The following GLIS3 variants were observed in gnomAD, a reference collection of about 807,000 sequenced individuals.
GLIS3 encodes the protein zinc finger protein GLIS3.
In GLIS3, 53 loss-of-function variants were observed where a neutral mutation model predicts 78.6. The observed-to-expected ratio is 0.67, with a 90% CI of 0.54 to 0.85. GLIS3 has a LOEUF of 0.85. GLIS3 is among the 40% of genes least tolerant of loss of function. The pLI is 0.00. For synonymous variants in GLIS3, 684 were observed against 509.9 expected (o/e 1.34, Z -4.60); for missense variants, 1,703 against 1,231.1 (o/e 1.38, Z -5.74).
intron 2 of GLIS3, among the ~76,000 whole-genome samples, chr9:4,324,793 G>A (rs1161645686): frequency 6.6e-6 from 1 of 152,036 alleles, no homozygotes. Context: ...ATTTGTTTTG[G>A]CTCTGAGTGA....
chr9:4,181,912 C>T (rs1222073323), intron 2 of GLIS3, among the ~76,000 whole-genome samples: 3 of 152,114 alleles, frequency 2.0e-5, no homozygotes, highest in African/African-American at 7.2e-5. Flanking sequence ...ACCGAGTTAG[C>T]CCAGACCATA....
chr9:4,106,942 T>C (rs1006443528), intron 4 of GLIS3, among the ~76,000 whole-genome samples: 1 of 151,932 alleles, frequency 6.6e-6, no homozygotes, highest in African/African-American at 2.4e-5. Context: ...AAAAACTGAG[T>C]AATCCACTTG....
In GLIS3 at chr9:4,117,713, C is replaced by T. The variant is rs927315; in HGVS notation, c.1710+55G>A. ...GCCGAGTTAGGAAAAAACACACGTACGCAAAGCAAGCCGGGCCTTCAAGAG... is the reference window on the plus strand; with the variant it reads ...GCCGAGTTAGGAAAAAACACACGTATGCAAAGCAAGCCGGGCCTTCAAGAG... On this transcript the variant is annotated intron_variant, in intron 4 of 10. Coordinates refer to ENST00000381971, the MANE Select transcript of GLIS3 (RefSeq NM_001042413.2). 746,995 of 1,608,550 alleles carry T rather than the reference C, an allele frequency of 0.46. 176,739 individuals are homozygous for T. Among genetic ancestry groups the T allele is most frequent in the South Asian group, 0.59 (53,214 of 90,834 alleles).
chr9:4,178,278 G>A (rs902618047), intron 2 of GLIS3, among the ~76,000 whole-genome samples: 19 of 151,958 alleles, frequency 1.3e-4, no homozygotes, highest in East Asian at 3.9e-4. Flanking sequence ...CTCTGCCACC[G>A]TGCCTAAGAT....
chr9:4,035,028 C>T (rs1824188458), intron 4 of GLIS3: 1 of 152,142 alleles, frequency 6.6e-6, no homozygotes, highest in Non-Finnish European at 1.5e-5. Context: ...AATATGTTTG[C>T]TTCTGATAGA....
At chr9:3,859,324 C>A (rs986877484) in intron 8 of GLIS3, among the ~76,000 whole-genome samples, 3 of 148,870 alleles carry the variant, frequency 2.0e-5, no homozygotes, top group African/African-American at 7.4e-5. Context: ...AGTGTCTGCA[C>A]CTACTTTCCA....
At chr9:4,293,136 A>C (rs572417852) in intron 1 of GLIS3, among the ~76,000 whole-genome samples, 34 of 152,348 alleles carry the variant, frequency 2.2e-4, no homozygotes, top group African/African-American at 7.7e-4. Flanking sequence ...TGAAAAGAGC[A>C]TTCATTATCC....
chr9:4,102,558 G>T (rs557778675), intron 4 of GLIS3, among the ~76,000 whole-genome samples: 6 of 152,230 alleles, frequency 3.9e-5, no homozygotes, highest in African/African-American at 1.4e-4. Flanking sequence ...GGTAGTTAGA[G>T]GCCCGGGATG....
intron 4 of GLIS3, among the ~76,000 whole-genome samples, chr9:3,976,668 A>G (rs1163553385): frequency 2.0e-5 from 3 of 151,592 alleles, no homozygotes; most frequent in African/African-American, 2.4e-5. Context: ...ATAAGGCTGC[A>G]AGAGCCAGAA....
At chr9:4,470,047 A>G in the GLIS3 span, among the ~76,000 whole-genome samples, 4 of 152,228 alleles carry the variant, frequency 2.6e-5, no homozygotes, top group Non-Finnish European at 4.4e-5. Context: ...TGCCAAGACT[A>G]AAACAGAAAG....
At chr9:4,000,625 G>A (rs1212749155) in intron 4 of GLIS3, among the ~76,000 whole-genome samples, 3 of 152,142 alleles carry the variant, frequency 2.0e-5, no homozygotes, top group South Asian at 4.1e-4. Flanking sequence ...CTGCCTAAAA[G>A]CTTCTAGTGG....
the GLIS3 span, among the ~76,000 whole-genome samples, chr9:4,370,503 C>A: frequency 1.3e-5 from 2 of 152,078 alleles, no homozygotes; most frequent in Non-Finnish European, 2.9e-5. Context: ...CTTCATTATT[C>A]CAAATTGTCA....
the GLIS3 span, among the ~76,000 whole-genome samples, chr9:4,379,715 G>A: frequency 2.7e-4 from 41 of 152,302 alleles, no homozygotes; most frequent in Admixed American, 1.6e-3. Context: ...ACCACTCAGG[G>A]AATAAAACAT....
At chr9:4,329,453 C>A (rs1045376158) in intron 2 of GLIS3, among the ~76,000 whole-genome samples, 1 of 152,106 alleles carries the variant, frequency 6.6e-6, no homozygotes, top group East Asian at 1.9e-4. Context: ...ATTTCAAATG[C>A]CTTTCATTTG....
At chr9:4,034,255 A>T (rs966662807) in intron 4 of GLIS3, among the ~76,000 whole-genome samples, 2 of 152,182 alleles carry the variant, frequency 1.3e-5, no homozygotes, top group Non-Finnish European at 2.9e-5. Flanking sequence ...CAGAAACTTT[A>T]TTAATTCTAT....
intron 4 of GLIS3, among the ~76,000 whole-genome samples, chr9:4,051,198 G>C (rs148460809): frequency 6.6e-6 from 1 of 152,164 alleles, no homozygotes; most frequent in Non-Finnish European, 1.5e-5. Flanking sequence ...CTTCTCTCAC[G>C]TGTGTGTTTA....
intron 2 of GLIS3, among the ~76,000 whole-genome samples, chr9:4,219,797 C>T (rs1352214304): frequency 6.6e-6 from 1 of 152,152 alleles, no homozygotes; most frequent in Admixed American, 6.5e-5. Flanking sequence ...CCACGCAGAG[C>T]AAAGCAGGGG....
chr9:4,239,437 A>G (rs1053838101), intron 2 of GLIS3, among the ~76,000 whole-genome samples: 3 of 152,086 alleles, frequency 2.0e-5, no homozygotes, highest in African/African-American at 7.2e-5. Context: ...CAATGAACGA[A>G]CCTAGATTAC....
At chr9:4,485,261 C>T in the GLIS3 span, among the ~76,000 whole-genome samples, 1 of 152,092 alleles carries the variant, frequency 6.6e-6, no homozygotes, top group Non-Finnish European at 1.5e-5. Context: ...GTAATCCATC[C>T]TCCTCGGCCT....
Sources: allele counts gnomAD v4.1 joint callset (sites outside exome capture counted in the v4.1 genomes callset), GRCh38; gene constraint gnomAD v4.1.1; transcripts MANE v1.5; gene names NCBI Gene and HGNC (gene_info 2026-07-23, HGNC 2026-07-21).